The following DNAH9 variants were observed in gnomAD, a reference collection of about 807,000 sequenced individuals.
DNAH9 encodes DNAH9 variant protein.
A neutral mutation model predicts 471.6 loss-of-function variants in DNAH9; 345 were observed. That is an observed-to-expected ratio of 0.73 (90% confidence interval 0.67 to 0.80). The LOEUF (loss-of-function observed/expected upper bound fraction) is 0.80. Among genes scored for constraint, DNAH9 ranks in the 30% least tolerant of loss-of-function variants. DNAH9 has a pLI of 0.00. For missense variants in DNAH9, 5,407 were observed against 5,609.2 expected (o/e 0.96, Z 1.15); for synonymous variants, 2,093 against 2,123.6 (o/e 0.99, Z 0.40).
At position 11,719,358 on chromosome 17, in the gene DNAH9, C is replaced by T; in HGVS notation, c.5577C>T (p.Ser1859=). Residue 1859 remains serine (S), a synonymous_variant, in exon 27 of 69, where the codon TCC becomes TCT. Transcript: ENST00000262442. ...TDRCYITLTQ[S]LHLTMSGAPA... ...GGTGCTACATCACCCTCACCCAGTCCCTGCACCTGACCATGAGTGGGGCTC... is the reference window on the plus strand; with the variant it reads ...GGTGCTACATCACCCTCACCCAGTCTCTGCACCTGACCATGAGTGGGGCTC... The T allele has an allele frequency of 6.2e-7, 1 of 1,614,110 alleles. No individual in the cohort carries two copies. The highest frequency in any genetic ancestry group is 8.5e-7 in the Non-Finnish European group (1 of 1,180,014).
intron 61 of DNAH9, among the ~76,000 whole-genome samples, chr17:11,908,709 G>A (rs879697090): frequency 1.3e-5 from 2 of 152,212 alleles, no homozygotes; most frequent in African/African-American, 2.4e-5. Flanking sequence ...ATAGGAAAAT[G>A]GGTTAATGAA....
intron 59 of DNAH9, among the ~76,000 whole-genome samples, chr17:11,898,939 C>T (rs1215443179): frequency 6.6e-6 from 1 of 152,168 alleles, no homozygotes; most frequent in African/African-American, 2.4e-5. Context: ...GGGCTAAGCT[C>T]ATCTGGCTGT....
intron 14 of DNAH9, among the ~76,000 whole-genome samples, chr17:11,663,487 G>A (rs1311913311): frequency 6.6e-6 from 1 of 152,148 alleles, no homozygotes; most frequent in Non-Finnish European, 1.5e-5. Context: ...TCACATTCTT[G>A]TTCTGTCTGT....
At chr17:11,850,476 C>T (rs979697923) in intron 49 of DNAH9, among the ~76,000 whole-genome samples, 4 of 152,124 alleles carry the variant, frequency 2.6e-5, no homozygotes, top group Non-Finnish European at 5.9e-5. Context: ...TAATGAAACC[C>T]TGTCTCTACT....
chr17:11,781,099 A>C lies in DNAH9; in HGVS notation c.7643A>C (p.Asn2548Thr). 6.2e-7 allele frequency: 1 copy of C among 1,614,166 alleles called. No homozygotes were observed. Among genetic ancestry groups the C allele is most frequent in the Non-Finnish European group, 8.5e-7 (1 of 1,180,034 alleles). Residue 2548 changes from asparagine (N) to threonine (T), a missense_variant, in exon 39 of 69, where the codon AAC (asparagine) becomes ACC (threonine). Around this residue, in one of 3 missense-constraint regions of DNAH9, gnomAD observed 4,636 missense variants for 4,900.3 expected, o/e 0.95. Coordinates refer to ENST00000262442, the MANE Select transcript of DNAH9 (RefSeq NM_001372.4). ...CTCATCTATTTCATTGATGACATGA[A>C]CATGCCTGAGGTGGATGCCTACGGG... ...KKLIYFIDDMNMPEVDAYGTV... is the reference protein window; with the variant it reads ...KKLIYFIDDMTMPEVDAYGTV...
chr17:11,793,253 G>A (rs980550676), intron 41 of DNAH9, among the ~76,000 whole-genome samples: 1 of 152,158 alleles, frequency 6.6e-6, no homozygotes, highest in African/African-American at 2.4e-5. Flanking sequence ...CTTAGTGGTT[G>A]CCCAAAGTCA....
intron 27 of DNAH9, among the ~76,000 whole-genome samples, chr17:11,720,813 C>T (rs1282065894): frequency 3.3e-5 from 5 of 152,268 alleles, no homozygotes; most frequent in Middle Eastern, 3.4e-3. Context: ...AACTTGTCTT[C>T]CACGTGGTCT....
In DNAH9 at chr17:11,598,588, C is replaced by T; in HGVS notation, c.90C>T (p.Thr30=). The change falls in exon 1 of 69, where the codon ACC becomes ACT. Residue 30 remains threonine, a synonymous_variant. Transcript: ENST00000262442. Reference sequence around the variant, plus strand: ...ACCGACGACTGCGACTCCTGGGGACCTACGTGGCCATGAGCCTGCGGCCGG... The same window carrying T: ...ACCGACGACTGCGACTCCTGGGGACTTACGTGGCCATGAGCCTGCGGCCGG... ...GADRRLRLLG[T]YVAMSLRPAA... is the part of the protein sequence containing the mutation. 1 of 1,329,342 alleles carries T rather than the reference C, an allele frequency of 7.5e-7. No individual in the cohort carries two copies. The highest frequency in any genetic ancestry group is 9.7e-7 in the Non-Finnish European group (1 of 1,030,280). 82.3% of individuals were successfully genotyped at this position (1,329,342 alleles called of 1,614,324 possible).
rs928198506 is a variant in DNAH9 at position 11,807,755 on chromosome 17, A to C, written c.8444A>C (p.Glu2815Ala). Reference protein sequence around the residue: ...RHVCHINRILESPRGNALLVG... With the variant: ...RHVCHINRILASPRGNALLVG... ...AGCTGCCATATCAATCGCATCTTGG[A>C]GTCCCCGCGGGGAAATGCTCTGCTG... The change falls in exon 44 of 69, where the codon GAG (glutamate) becomes GCG (alanine). Residue 2815 changes from glutamate (E) to alanine (A), a missense_variant. This residue lies in a region of DNAH9 where 4,636 missense variants were observed against 4,900.3 expected (regional missense o/e 0.95). Coordinates refer to ENST00000262442, the MANE Select transcript of DNAH9 (RefSeq NM_001372.4). 5 of 1,610,624 alleles carry C rather than the reference A, an allele frequency of 3.1e-6. No individual in the cohort carries two copies. Among genetic ancestry groups the C allele is most frequent in the Admixed American group, 1.7e-5 (1 of 59,880 alleles).
At chr17:11,830,819 C>T (rs1970663738) in intron 48 of DNAH9, among the ~76,000 whole-genome samples, 1 of 152,122 alleles carries the variant, frequency 6.6e-6, no homozygotes. Flanking sequence ...ATATTCTGTA[C>T]ATCTTGGTTT....
At chr17:11,709,568 A>G (rs75346098) in intron 26 of DNAH9, among the ~76,000 whole-genome samples, 3,872 of 152,304 alleles carry the variant, frequency 0.025, 163 homozygotes, top group African/African-American at 0.087. Context: ...GTTTTACAGT[A>G]CATCCAAATG....
intron 19 of DNAH9, among the ~76,000 whole-genome samples, chr17:11,689,098 AAAAAAATAAAAAT>A: frequency 6.6e-6 from 1 of 151,802 alleles, no homozygotes; most frequent in African/African-American, 2.4e-5. Flanking sequence ...CTGTCTCAAA[AAAAAAATAAAAAT>A]AAAAAATAAA....
chr17:11,698,534 T>C (rs1445047272), intron 22 of DNAH9, among the ~76,000 whole-genome samples: 1 of 151,756 alleles, frequency 6.6e-6, no homozygotes, highest in African/African-American at 2.4e-5. Context: ...TTGGTATTTG[T>C]ACCCAAATCA....
chr17:11,857,922 A>G (rs961690961), intron 50 of DNAH9, among the ~76,000 whole-genome samples: 3 of 152,174 alleles, frequency 2.0e-5, no homozygotes, highest in African/African-American at 7.2e-5. Context: ...CCCCAGAGAA[A>G]GATGCCAGCA....
intron 17 of DNAH9, among the ~76,000 whole-genome samples, chr17:11,677,475 G>A (rs1346723503): frequency 2.0e-5 from 3 of 151,984 alleles, no homozygotes; most frequent in Non-Finnish European, 2.9e-5. Flanking sequence ...TTTTTCTTTG[G>A]TGACATTTGC....
intron 36 of DNAH9, among the ~76,000 whole-genome samples, chr17:11,764,163 G>A (rs1471965664): frequency 6.6e-6 from 1 of 152,188 alleles, no homozygotes; most frequent in African/African-American, 2.4e-5. Context: ...TTATCTTATA[G>A]TGTTGACTGC....
In DNAH9 at chr17:11,934,037, T is replaced by C; in HGVS notation, c.12455T>C (p.Leu4152Pro). The C allele has an allele frequency of 6.2e-7, 1 of 1,614,080 alleles. No individual in the cohort carries two copies. The highest frequency in any genetic ancestry group is 8.5e-7 in the Non-Finnish European group (1 of 1,179,960). ...GELSLAPGFP[L>P]PGNMDYNGYH... The stretch of plus-strand genomic sequence containing the variant: ...CTGTCTTTGGCCCCAGGGTTCCCAC[T>C]CCCAGGCAACATGGACTACAATGGT... The change falls in exon 65 of 69, where the codon CTC becomes CCC. Residue 4152 changes from leucine to proline, a missense_variant. Transcript: ENST00000262442.
intron 60 of DNAH9, 89 bp downstream of exon 60, chr17:11,903,001 C>A: frequency 7.1e-7 from 1 of 1,416,158 alleles, no homozygotes; most frequent in Non-Finnish European, 9.6e-7. Context: ...AGCTCCAAAG[C>A]CATGTGTATA....
intron 8 of DNAH9, among the ~76,000 whole-genome samples, chr17:11,636,030 A>C: frequency 6.7e-6 from 1 of 150,336 alleles, no homozygotes; most frequent in Non-Finnish European, 1.5e-5. Flanking sequence ...ACAGAGTCTC[A>C]CTCTGTCGCC....
Sources: gnomAD v4.1 joint callset for allele counts (sites outside exome capture counted in the v4.1 genomes callset) on GRCh38, gnomAD v4.1.1 for gene constraint, gnomAD v4.1.1 regional missense constraint, MANE v1.5 for transcripts, NCBI Gene and HGNC (gene_info 2026-07-23, HGNC 2026-07-21) for gene names.